Variants in DOCK8 observed in about 807,000 individuals in gnomAD.
The protein encoded by DOCK8 is dedicator of cytokinesis 8.
A neutral mutation model predicts 245.6 loss-of-function variants in DOCK8; 141 were observed. The ratio of observed to expected loss-of-function variants is 0.57; its 90% CI spans 0.50 to 0.66. DOCK8 has a LOEUF of 0.66. DOCK8 is among the 30% of genes least tolerant of loss of function. The pLI is 0.00. For synonymous variants in DOCK8, 1,168 were observed against 970.2 expected (o/e 1.20, Z -3.79); for missense variants, 2,965 against 2,603.4 (o/e 1.14, Z -3.02).
At chr9:443,829 A>G (rs1374373575) in intron 43 of DOCK8, among the ~76,000 whole-genome samples, 2 of 152,168 alleles carry the variant, frequency 1.3e-5, no homozygotes, top group African/African-American at 2.4e-5. Flanking sequence ...TATTTTAGAG[A>G]TGAGAAAACT....
intron 3 of DOCK8, among the ~76,000 whole-genome samples, chr9:288,708 G>T (rs1586606865): frequency 6.6e-6 from 1 of 152,322 alleles, no homozygotes; most frequent in South Asian, 2.1e-4. Flanking sequence ...CAGAAGGGTT[G>T]AGTGACTGGC....
intron 1 of DOCK8, among the ~76,000 whole-genome samples, chr9:217,936 T>C (rs948478393): frequency 4.6e-5 from 7 of 152,184 alleles, no homozygotes; most frequent in African/African-American, 1.7e-4. Flanking sequence ...CCGATTGTTA[T>C]TTTGATGCAT....
chr9:235,802 C>T (rs2047231338), intron 1 of DOCK8, among the ~76,000 whole-genome samples: 1 of 152,336 alleles, frequency 6.6e-6, no homozygotes, highest in Non-Finnish European at 1.5e-5. Flanking sequence ...TGCCGTCTGT[C>T]ACCCTTTCTT....
intron 26 of DOCK8, among the ~76,000 whole-genome samples, chr9:403,491 T>C (rs2055208589): frequency 6.6e-6 from 1 of 152,212 alleles, no homozygotes; most frequent in Non-Finnish European, 1.5e-5. Flanking sequence ...CATTTACTTA[T>C]TTTAAGTGGA....
intron 1 of DOCK8, among the ~76,000 whole-genome samples, chr9:239,848 T>C (rs554626300): frequency 6.6e-6 from 1 of 152,334 alleles, no homozygotes; most frequent in South Asian, 2.1e-4. Flanking sequence ...GAACAACTTT[T>C]CATGTCATTA....
rs558587562 is a variant in DOCK8, at chr9:425,438, A to G, written c.4242-1447A>G. On this transcript the variant is annotated intron_variant, in intron 33 of 47. Coordinates refer to ENST00000432829, the MANE Select transcript of DOCK8 (RefSeq NM_203447.4). Reference sequence around the variant, plus strand: ...TCCCAGCTACTCGGGAGGCTGAAGCAGGAGAATGGCGTGAACCCGGGAAGT... The same window carrying G: ...TCCCAGCTACTCGGGAGGCTGAAGCGGGAGAATGGCGTGAACCCGGGAAGT... 1.5e-3 allele frequency among the ~76,000 whole-genome samples: 220 copies of G among 151,568 alleles called. 2 individuals carry two copies. The highest frequency in any genetic ancestry group is 0.01 in the Middle Eastern group (3 of 294).
chr9:396,867 A>G lies in DOCK8; in HGVS notation c.3053A>G (p.Asp1018Gly), dbSNP rs1189010054. The change falls in exon 25 of 48, where the codon GAT becomes GGT. Residue 1018 changes from aspartate (D) to glycine (G), a missense_variant. Physicochemically the swap from Asp to Gly is moderately conservative, Grantham distance 94. This residue lies in a region of DOCK8 where 2,825 missense variants were observed against 2,453.5 expected (regional missense o/e 1.15). Coordinates refer to ENST00000432829, the MANE Select transcript of DOCK8 (RefSeq NM_203447.4). ...RRTRFSDRFM[D>G]DITTIVNVVT... ...ACTCGTTTTTCTGACCGTTTCATGG[A>G]TGACATAACTACTATTGTTAATGTG... 1.2e-6 allele frequency: 2 copies of G among 1,614,138 alleles called. No individual in the cohort carries two copies. The highest frequency in any genetic ancestry group is 1.3e-5 in the African/African-American group (1 of 75,038).
chr9:389,625 A>G (rs951245068), intron 23 of DOCK8, among the ~76,000 whole-genome samples: 1 of 152,178 alleles, frequency 6.6e-6, no homozygotes, highest in South Asian at 2.1e-4. Context: ...AGCAGCACCC[A>G]GGAACTTGTT....
chr9:318,263 G>A (rs2050433962), intron 7 of DOCK8, among the ~76,000 whole-genome samples: 1 of 152,282 alleles, frequency 6.6e-6, no homozygotes, highest in African/African-American at 2.4e-5. Flanking sequence ...CTACAGAAGC[G>A]TAACATTTAT....
intron 37 of DOCK8, 110 bp from the exon 38 acceptor site, chr9:433,765 G>C (rs2056799860): frequency 4.6e-6 from 4 of 875,198 alleles, no homozygotes; most frequent in Non-Finnish European, 7.7e-6. Context: ...AGTCTCTGCT[G>C]CCCTCTGATC....
At chr9:233,813 CT>C in intron 1 of DOCK8, among the ~76,000 whole-genome samples, 1 of 152,062 alleles carries the variant, frequency 6.6e-6, no homozygotes, top group East Asian at 1.9e-4. Context: ...GATGGGTTTC[CT>C]GAATACAGCA....
At chr9:405,233 A>C in intron 27 of DOCK8, 160 bp downstream of exon 27, 1 of 728,798 alleles carries the variant, frequency 1.4e-6, no homozygotes, top group Non-Finnish European at 2.2e-6. Context: ...TTACACCACT[A>C]GCTAAGAATT....
chr9:320,151 T>G (rs866239114), intron 7 of DOCK8, among the ~76,000 whole-genome samples: 130 of 128,132 alleles, frequency 1.0e-3, no homozygotes, highest in Middle Eastern at 4.8e-3. Flanking sequence ...GCTCAAAACC[T>G]GACCGAACAC....
intron 3 of DOCK8, 147 bp downstream of exon 3, chr9:286,783 A>G: frequency 2.4e-6 from 2 of 825,016 alleles, no homozygotes; most frequent in Non-Finnish European, 4.0e-6. Flanking sequence ...ATATGATATC[A>G]TCATGTAAGT....
intron 39 of DOCK8, among the ~76,000 whole-genome samples, chr9:438,291 C>T (rs554877021): frequency 6.6e-6 from 1 of 152,314 alleles, no homozygotes; most frequent in Non-Finnish European, 1.5e-5. Flanking sequence ...AATTTCGAGA[C>T]TATGTCCAAG....
intron 3 of DOCK8, among the ~76,000 whole-genome samples, chr9:288,442 G>A (rs2048911345): frequency 6.6e-6 from 1 of 152,340 alleles, no homozygotes; most frequent in Non-Finnish European, 1.5e-5. Flanking sequence ...TGCAAAGTGA[G>A]AATAATAGTA....
intron 1 of DOCK8, among the ~76,000 whole-genome samples, chr9:261,223 T>C (rs1466161827): frequency 6.6e-6 from 1 of 152,204 alleles, no homozygotes. Flanking sequence ...CAAAATATCT[T>C]ACATGCTCAA....
Position 303,839 on chromosome 9 carries a change from A to G in DOCK8, c.405-742A>G, listed in dbSNP as rs756042865. On this transcript the variant is annotated intron_variant, in intron 4 of 47. Coordinates refer to ENST00000432829, the MANE Select transcript of DOCK8 (RefSeq NM_203447.4). ...AAAGATAAGATATCCCGTATCCTCA[A>G]TAAAAATAAAAGTGGCGTGTTTGTG... Among the ~76,000 whole-genome samples, 51 of 152,376 alleles carry G rather than the reference A, an allele frequency of 3.3e-4. 1 individual carries two copies. Among genetic ancestry groups the G allele is most frequent in the Admixed American group, 7.8e-4 (12 of 15,310 alleles).
At chr9:379,252 C>G (rs1489429798) in intron 20 of DOCK8, among the ~76,000 whole-genome samples, 1 of 152,154 alleles carries the variant, frequency 6.6e-6, no homozygotes, top group Non-Finnish European at 1.5e-5. Flanking sequence ...TATGGGCCCA[C>G]TGTGGGAATG....
Sources: allele counts gnomAD v4.1 joint callset (sites outside exome capture counted in the v4.1 genomes callset), GRCh38; gene constraint gnomAD v4.1.1; regional missense constraint gnomAD v4.1.1; transcripts MANE v1.5; gene names NCBI Gene and HGNC (gene_info 2026-07-23, HGNC 2026-07-21).